LMO3: variants seen among roughly 807,000 people sequenced by gnomAD.
LMO3 encodes the protein LIM domain only protein 3.
A neutral mutation model predicts 15.8 loss-of-function variants in LMO3; 2 were observed. The observed-to-expected ratio is 0.13, with a 90% CI of 0.05 to 0.40. LMO3 has a LOEUF of 0.40. LMO3 is among the 10% of genes least tolerant of loss of function. The pLI is 0.99. For synonymous variants in LMO3, 62 were observed against 63.8 expected, an observed-to-expected ratio of 0.97 and a Z score of 0.13; for missense variants, 86 against 182.2, an observed-to-expected ratio of 0.47 and a Z score of 3.04.
Position 16,560,311 on chromosome 12 carries a change from A to C in LMO3, c.332+102T>G. The C allele has an allele frequency of 7.7e-7, 1 of 1,290,358 alleles. No homozygotes were observed. The highest frequency in any genetic ancestry group is 1.1e-6 in the Non-Finnish European group (1 of 943,110). 79.9% of individuals were successfully genotyped at this position (1,290,358 alleles called of 1,614,324 possible). The stretch of plus-strand genomic sequence containing the variant: ...GTTTACAGAACAGAAAAACGCTGAG[A>C]TTGATTGCTTTAAATGTATGAATAT... On this transcript the variant is annotated intron_variant, in intron 3 of 3. Coordinates refer to ENST00000537304, the MANE Select transcript of LMO3 (RefSeq NM_018640.5). This position sits in a 1 kb window ranked among gnomAD's most constrained non-coding sequence, Gnocchi z 5.0.
intron 1 of LMO3, chr12:16,605,374 G>A (rs2137740466): frequency 1.7e-6 from 2 of 1,178,748 alleles, no homozygotes; most frequent in Non-Finnish European, 2.1e-6. Context: ...CAATCTATTA[G>A]GATATAGGCA....
rs1942591627 is a variant in LMO3 at position 16,566,016 on chromosome 12, ATATATATATATATATATATATAT to A, written c.207-5501_207-5479del. ...TATATATATATATATATATATATATATATATATATATATATATATATATAAAATGGAGTACTATTCAGCCATAA... is the reference window on the plus strand; with the variant it reads ...TATATATATATATATATATATATATAAAAATGGAGTACTATTCAGCCATAA... On this transcript the variant is annotated intron_variant, in intron 2 of 3. Transcript: ENST00000537304. 4.7e-4 allele frequency among the ~76,000 whole-genome samples: 40 copies of A among 85,074 alleles called. 1 individual carries two copies. Among genetic ancestry groups the A allele is most frequent in the African/African-American group, 1.6e-3 (37 of 23,780 alleles). The allele number at this position is 85,074 out of a possible 152,430, so 55.8% of individuals were successfully genotyped here.
rs1263465722 is a variant in LMO3 at position 16,603,331 on chromosome 12, T to G, written c.-8-2463A>C. 6.6e-6 allele frequency among the ~76,000 whole-genome samples: 1 copy of G among 152,210 alleles called. No individual in the cohort carries two copies. Among genetic ancestry groups the G allele is most frequent in the Non-Finnish European group, 1.5e-5 (1 of 68,046 alleles). ...TGAAAATGGAATCTCTTGAATTCCA[T>G]GCAAGTTAACAATTGTAGCAAAAGA... On this transcript the variant is annotated intron_variant, in intron 1 of 3. Transcript: ENST00000537304. The surrounding 1 kb of genome is among the most constrained non-coding windows in gnomAD (Gnocchi z 4.9).
rs1943439764 is a variant in LMO3 at position 16,589,963 on chromosome 12, T to C, written c.206+10692A>G. Among the ~76,000 whole-genome samples the C allele has an allele frequency of 6.6e-6, 1 of 152,080 alleles. No homozygotes were observed. Among genetic ancestry groups the C allele is most frequent in the South Asian group, 2.1e-4 (1 of 4,826 alleles). ...GATTTTTTTGTGCATGAAGTATAAA[T>C]GCCACCGTTTTTGAAAGCCCACCCA... On this transcript the variant is annotated intron_variant, in intron 2 of 3. Coordinates refer to ENST00000537304, the MANE Select transcript of LMO3 (RefSeq NM_018640.5). This position sits in a 1 kb window ranked among gnomAD's most constrained non-coding sequence, Gnocchi z 4.2.
intron 2 of LMO3, among the ~76,000 whole-genome samples, chr12:16,573,025 G>A (rs1183102032): frequency 6.6e-6 from 1 of 151,582 alleles, no homozygotes; most frequent in African/African-American, 2.4e-5. Context: ...AAATTTTCCT[G>A]TTTTTATTAT....
chr12:16,581,119 C>A, intron 2 of LMO3, among the ~76,000 whole-genome samples: 1 of 152,160 alleles, frequency 6.6e-6, no homozygotes, highest in East Asian at 1.9e-4. Flanking sequence ...AAAGGAAGTT[C>A]ATCAGTGCTT....
intron 2 of LMO3, chr12:16,600,291 C>CAAA (rs35993210): frequency 8.5e-4 from 59 of 69,658 alleles, no homozygotes; most frequent in Admixed American, 1.1e-3. Context: ...CCTTAAGCTC[C>CAAA]AAAAAAAAAA....
At chr12:16,562,198 C>A (rs370574105) in intron 2 of LMO3, among the ~76,000 whole-genome samples, 63 of 152,226 alleles carry the variant, frequency 4.1e-4, no homozygotes, top group African/African-American at 1.5e-3. Context: ...TTTTTTAGTT[C>A]ATTCTAACAT....
chr12:16,595,579 A>T (rs1943623494), intron 2 of LMO3, among the ~76,000 whole-genome samples: 1 of 151,480 alleles, frequency 6.6e-6, no homozygotes, highest in Non-Finnish European at 1.5e-5. Context: ...GAATTCAATA[A>T]TGCTTCTTCT....
In LMO3 at chr12:16,555,758, C is replaced by T. The variant is rs1012226113; in HGVS notation, c.333-4431G>A. On this transcript the variant is annotated intron_variant, in intron 3 of 3. Transcript: ENST00000537304. The surrounding 1 kb of genome is among the most constrained non-coding windows in gnomAD (Gnocchi z 5.5). ...ATTTCCTAAACACGTCAAATGCTTT[C>T]ACATCTGCATGCCTTTGCACGTTGC... Among the ~76,000 whole-genome samples, 4 of 152,264 alleles carry T rather than the reference C, an allele frequency of 2.6e-5. No homozygotes were observed. The East Asian group carries it at 7.7e-4, about 29-fold the overall frequency.
chr12:16,582,884 C>T lies in LMO3; in HGVS notation c.206+17771G>A, dbSNP rs1266329289. On this transcript the variant is annotated intron_variant, in intron 2 of 3. Transcript: ENST00000537304. The surrounding 1 kb of genome is among the most constrained non-coding windows in gnomAD (Gnocchi z 4.1). ...CCAACATGGCGAAACCCCGTCTCTA[C>T]TAAAATAAAAAAATTAGCCGGGAGT... is the stretch of plus-strand genomic sequence containing the variant. Among the ~76,000 whole-genome samples, 2 of 151,768 alleles carry T rather than the reference C, an allele frequency of 1.3e-5. No individual in the cohort carries two copies. The highest frequency in any genetic ancestry group is 2.9e-5 in the Non-Finnish European group (2 of 67,920).
At position 16,559,924 on chromosome 12, in the gene LMO3, C is replaced by T. The variant is rs991126999; in HGVS notation, c.332+489G>A. Among the ~76,000 whole-genome samples, 38 of 151,924 alleles carry T rather than the reference C, an allele frequency of 2.5e-4. No individual in the cohort carries two copies. Among genetic ancestry groups the T allele is most frequent in the African/African-American group, 4.1e-4 (17 of 41,336 alleles). Reference sequence around the variant, plus strand: ...TGCATGAGCCATGTTAGTGCCACTGCGCTCTAGGCTGGGTGACAGAACCAG... The same window carrying T: ...TGCATGAGCCATGTTAGTGCCACTGTGCTCTAGGCTGGGTGACAGAACCAG... On this transcript the variant is annotated intron_variant, in intron 3 of 3. Transcript: ENST00000537304. The surrounding 1 kb of genome is among the most constrained non-coding windows in gnomAD (Gnocchi z 4.1).
chr12:16,607,564 C>T (rs1944039203), upstream of LMO3: 1 of 152,008 alleles, frequency 6.6e-6, no homozygotes, highest in Non-Finnish European at 1.5e-5. Context: ...TCAAAGTCAC[C>T]CTCTGTTTGG....
At chr12:16,595,726 AAAATT>A (rs1943630476) in intron 2 of LMO3, among the ~76,000 whole-genome samples, 1 of 151,480 alleles carries the variant, frequency 6.6e-6, no homozygotes, top group Non-Finnish European at 1.5e-5. Flanking sequence ...TCATAATACT[AAAATT>A]AACTTAGACA....
At chr12:16,605,489 A>G (rs1943963990) in intron 1 of LMO3, 1 of 443,898 alleles carries the variant, frequency 2.3e-6, no homozygotes, top group Non-Finnish European at 2.9e-6. Flanking sequence ...ACGGCAAAGG[A>G]ACAACATTTT....
chr12:16,605,872 A>G, intron 1 of LMO3, 194 bp downstream of exon 1: 1 of 1,510,596 alleles, frequency 6.6e-7, no homozygotes, highest in Non-Finnish European at 8.9e-7. Flanking sequence ...CACATGATTT[A>G]AACAAAACCG....
rs115631444 is a variant in LMO3 at position 16,576,328 on chromosome 12, C to T, written c.207-15790G>A. 2.1e-3 allele frequency among the ~76,000 whole-genome samples: 322 copies of T among 152,244 alleles called. 2 individuals carry two copies. Among genetic ancestry groups the T allele is most frequent in the African/African-American group, 7.5e-3 (312 of 41,552 alleles). ...TTCTATCCCATCACTGAGCCTCAGC[C>T]CCAATGTGCTGTCTACTCCCTGGAC... is the stretch of plus-strand genomic sequence containing the variant. On this transcript the variant is annotated intron_variant, in intron 2 of 3. Coordinates refer to ENST00000537304, the MANE Select transcript of LMO3 (RefSeq NM_018640.5). The surrounding 1 kb of genome is among the most constrained non-coding windows in gnomAD (Gnocchi z 4.1).
intron 2 of LMO3, among the ~76,000 whole-genome samples, chr12:16,562,026 T>C (rs1942425738): frequency 6.6e-6 from 1 of 152,326 alleles, no homozygotes; most frequent in Admixed American, 6.5e-5. Context: ...ATAACCCAAG[T>C]AACCTTCATG....
rs1351651760 is a variant in LMO3 at position 16,587,698 on chromosome 12, A to G, written c.206+12957T>C. ...TAACAGCACGACACAAGTATTTTTC[A>G]CTACAGGAGACAAACAATGATATGT... On this transcript the variant is annotated intron_variant, in intron 2 of 3. Coordinates refer to ENST00000537304, the MANE Select transcript of LMO3 (RefSeq NM_018640.5). This position sits in a 1 kb window ranked among gnomAD's most constrained non-coding sequence, Gnocchi z 4.3. Among the ~76,000 whole-genome samples the G allele has an allele frequency of 2.0e-5, 3 of 151,818 alleles. No individual in the cohort carries two copies. The highest frequency in any genetic ancestry group is 4.4e-5 in the Non-Finnish European group (3 of 67,846).
Sources: allele counts gnomAD v4.1 joint callset (sites outside exome capture counted in the v4.1 genomes callset), GRCh38; gene constraint gnomAD v4.1.1; non-coding constraint Gnocchi (gnomAD v3.1); transcripts MANE v1.5; gene names NCBI Gene and HGNC (gene_info 2026-07-23, HGNC 2026-07-21).